The following RNASEH2B variants were observed in gnomAD, a reference collection of about 807,000 sequenced individuals.
The protein encoded by RNASEH2B is Aicardi-Goutieres syndrome 2 protein.
RNASEH2B carries 36 observed loss-of-function variants against 45.0 expected under a neutral mutation model. That is an observed-to-expected ratio of 0.80 (90% CI 0.61 to 1.06). The LOEUF (loss-of-function observed/expected upper bound fraction) is 1.06, where lower values mean the gene tolerates loss of function less well. Ranked by LOEUF, RNASEH2B falls within the 50% of genes least tolerant of loss-of-function variation. RNASEH2B has a pLI of 0.00. For synonymous variants in RNASEH2B, 119 were observed against 125.7 expected, an observed-to-expected ratio of 0.95 and a Z score of 0.35; for missense variants, 361 against 360.3, an observed-to-expected ratio of 1.00 and a Z score of -0.02.
intron 9 of RNASEH2B, among the ~76,000 whole-genome samples, chr13:50,961,852 G>A (rs1339792930): frequency 2.0e-5 from 3 of 152,106 alleles, no homozygotes; most frequent in Non-Finnish European, 4.4e-5. Flanking sequence ...ATCAGGCTGA[G>A]AAAGTTTCCT....
intron 2 of RNASEH2B, among the ~76,000 whole-genome samples, chr13:50,927,703 C>T (rs566648522): frequency 6.6e-6 from 1 of 152,142 alleles, no homozygotes; most frequent in Non-Finnish European, 1.5e-5. Context: ...CAGAACTGTT[C>T]AGCCATCAGA....
At chr13:50,949,162 A>G in intron 8 of RNASEH2B, 2 of 301,342 alleles carry the variant, frequency 6.6e-6, no homozygotes, top group Non-Finnish European at 1.2e-5. Flanking sequence ...AAGAAAAAAT[A>G]CTCCAACACC....
chr13:50,945,310 GGTTCTCAAATAC>G (rs1951886007), intron 6 of RNASEH2B, 105 bp from the exon 7 acceptor site: 1 of 734,082 alleles, frequency 1.4e-6, no homozygotes. Flanking sequence ...GATACTTCTA[GGTTCTCAAATAC>G]TTCTTTGCAG....
At chr13:50,943,576 G>A (rs1218363743) in intron 6 of RNASEH2B, among the ~76,000 whole-genome samples, 182 bp downstream of exon 6, 4 of 152,188 alleles carry the variant, frequency 2.6e-5, no homozygotes, top group African/African-American at 9.7e-5. Context: ...CCTAACTTCT[G>A]TATCTCTGAA....
At chr13:50,911,062 T>A (rs1879357782) in intron 1 of RNASEH2B, 1 of 152,296 alleles carries the variant, frequency 6.6e-6, no homozygotes, top group Admixed American at 6.5e-5. Context: ...ATACATAAAG[T>A]GTACGGATTT....
At chr13:50,926,376 T>G (rs1951596558) in intron 1 of RNASEH2B, among the ~76,000 whole-genome samples, 2 of 152,224 alleles carry the variant, frequency 1.3e-5, no homozygotes, top group Non-Finnish European at 2.9e-5. Flanking sequence ...AAATTGTTGC[T>G]ATGCCCCCTT....
In RNASEH2B at chr13:50,929,521, T is replaced by C. The variant is rs368589166; in HGVS notation, c.183T>C (p.Phe61=). ...YLFNMCLQQL[F]EVKVFKEKHH... ...TCAATATGTGTCTACAGCAGCTGTT[T>C]GAAGTAAAAGTTTTCAAGGAAAAAC... is the stretch of plus-strand genomic sequence containing the variant. The change falls in exon 3 of 11, where the codon TTT becomes TTC. Residue 61 remains phenylalanine (F), a synonymous_variant. Coordinates refer to ENST00000336617, the MANE Select transcript of RNASEH2B (RefSeq NM_024570.4). The C allele has an allele frequency of 3.2e-5, 52 of 1,613,812 alleles. No homozygotes were observed. The highest frequency in any genetic ancestry group is 4.3e-5 in the Non-Finnish European group (51 of 1,179,882).
chr13:50,956,208 C>G lies in RNASEH2B; in HGVS notation c.823-150C>G, dbSNP rs912280441. The G allele has an allele frequency of 4.6e-6, 3 of 646,720 alleles. No individual in the cohort carries two copies. In the East Asian group the frequency reaches 8.7e-5, roughly 19 times the overall value. 40.1% of individuals were successfully genotyped at this position (646,720 alleles called of 1,614,324 possible). ...TTAGGTCTGAATTCTGAATAGAAAT[C>G]AGAACTTTTTCACTCCCTTATGAAG... is the stretch of plus-strand genomic sequence containing the variant. On this transcript the variant is annotated intron_variant, in intron 10 of 10. Coordinates refer to ENST00000336617, the MANE Select transcript of RNASEH2B (RefSeq NM_024570.4).
chr13:50,958,513 G>A (rs748852151), downstream of RNASEH2B, among the ~76,000 whole-genome samples: 1 of 152,118 alleles, frequency 6.6e-6, no homozygotes, highest in African/African-American at 2.4e-5. Flanking sequence ...ATAGTTTGCA[G>A]TTGGGTAATG....
intron 1 of RNASEH2B, among the ~76,000 whole-genome samples, chr13:50,914,043 ATTTT>A (rs10596567): frequency 1.9e-4 from 27 of 138,754 alleles, no homozygotes; most frequent in Non-Finnish European, 2.0e-4. Context: ...AGTCTTGAAG[ATTTT>A]TTTTTTTTTT....
At chr13:50,949,037 A>G (rs1951942174) in intron 8 of RNASEH2B, 1 of 169,514 alleles carries the variant, frequency 5.9e-6, no homozygotes, top group Non-Finnish European at 1.3e-5. Flanking sequence ...AGTTCAGAAG[A>G]AAGGTATGCC....
chr13:50,948,188 A>T, intron 8 of RNASEH2B, 120 bp downstream of exon 8: 1 of 1,507,640 alleles, frequency 6.6e-7, no homozygotes, highest in Non-Finnish European at 9.0e-7. Context: ...TTCTTCAGCT[A>T]TGTCATATAC....
intron 9 of RNASEH2B, among the ~76,000 whole-genome samples, chr13:50,963,677 A>G (rs970135814): frequency 6.6e-6 from 1 of 152,066 alleles, no homozygotes; most frequent in African/African-American, 2.4e-5. Flanking sequence ...TTTTGAAATA[A>G]TTTTATACTT....
chr13:50,935,075 A>G (rs747641441), intron 5 of RNASEH2B, 76 bp downstream of exon 5: 177 of 884,004 alleles, frequency 2.0e-4, no homozygotes, highest in Non-Finnish European at 3.0e-4. Flanking sequence ...TTACAGACAC[A>G]CTGAATGTAA....
chr13:50,910,194 C>T (rs1258756635), intron 1 of RNASEH2B, 54 bp downstream of exon 1: 35 of 1,289,412 alleles, frequency 2.7e-5, no homozygotes, highest in Non-Finnish European at 3.3e-5. Flanking sequence ...CGGAGCGGCC[C>T]GCGACCCCGG....
chr13:50,926,763 G>A (rs1951603031), intron 1 of RNASEH2B, among the ~76,000 whole-genome samples: 2 of 151,150 alleles, frequency 1.3e-5, no homozygotes, highest in Non-Finnish European at 2.9e-5. Context: ...CTTTTATATG[G>A]CAAAAATCAT....
chr13:50,929,650 G>C lies in RNASEH2B; in HGVS notation c.244+68G>C, dbSNP rs1376149203. ...TCCAGCTTTTCCATTCTTCACACGTGGGGTTGTGGGTCTGTCACCGGGTTT... is the reference window on the plus strand; with the variant it reads ...TCCAGCTTTTCCATTCTTCACACGTCGGGTTGTGGGTCTGTCACCGGGTTT... On this transcript the variant is annotated intron_variant, in intron 3 of 10. Coordinates refer to ENST00000336617, the MANE Select transcript of RNASEH2B (RefSeq NM_024570.4). The C allele has an allele frequency of 7.9e-6, 8 of 1,007,290 alleles. No individual in the cohort carries two copies. In the South Asian group the frequency reaches 1.1e-4, roughly 13 times the overall value. 62.4% of individuals were successfully genotyped at this position (1,007,290 alleles called of 1,614,324 possible).
chr13:50,939,438 T>G (rs2137969180), intron 5 of RNASEH2B, among the ~76,000 whole-genome samples: 1 of 152,174 alleles, frequency 6.6e-6, no homozygotes, highest in East Asian at 1.9e-4. Flanking sequence ...AAAGATCACT[T>G]GAGCCCAGGA....
At chr13:50,923,134 A>G (rs1951546188) in intron 1 of RNASEH2B, among the ~76,000 whole-genome samples, 2 of 152,192 alleles carry the variant, frequency 1.3e-5, no homozygotes, top group African/African-American at 4.8e-5. Context: ...GGTGAGGAAC[A>G]TAAAGAAAAA....
Sources: allele counts gnomAD v4.1 joint callset (sites outside exome capture counted in the v4.1 genomes callset), GRCh38; gene constraint gnomAD v4.1.1; transcripts MANE v1.5; gene names NCBI Gene and HGNC (gene_info 2026-07-23, HGNC 2026-07-21).